Variants in PCDHA7 observed in about 807,000 individuals in gnomAD.
The protein encoded by PCDHA7 is protocadherin alpha-7.
In PCDHA7, 37 loss-of-function variants were observed where a neutral mutation model predicts 57.2. The observed-to-expected ratio is 0.65, with a 90% CI of 0.50 to 0.85. The LOEUF (loss-of-function observed/expected upper bound fraction) is 0.85, where lower values mean the gene tolerates loss of function less well. Ranked by LOEUF, PCDHA7 falls within the 40% of genes least tolerant of loss-of-function variation. The probability of loss-of-function intolerance (pLI) is 0.00; values close to 1 mark genes in which losing one functional copy is unlikely to be tolerated. For synonymous variants in PCDHA7, 553 were observed against 558.8 expected (o/e 0.99, Z 0.15); for missense variants, 1,188 against 1,241.8 (o/e 0.96, Z 0.65).
chr5:141,000,421 A>ATATTTTT (rs1265241806), intron 3 of PCDHA7, among the ~76,000 whole-genome samples: 1 of 27,968 alleles, frequency 3.6e-5, no homozygotes, highest in Non-Finnish European at 5.7e-5. Context: ...ATATATATAT[A>ATATTTTT]TTTTTTTTTT....
intron 1 of PCDHA7, among the ~76,000 whole-genome samples, chr5:140,914,821 A>G (rs1046692794): frequency 6.6e-6 from 1 of 152,212 alleles, no homozygotes; most frequent in Non-Finnish European, 1.5e-5. Flanking sequence ...AACAGACTGC[A>G]TAAACAAAAA....
chr5:140,913,552 T>A (rs1474729453), intron 1 of PCDHA7, among the ~76,000 whole-genome samples: 1 of 152,166 alleles, frequency 6.6e-6, no homozygotes, highest in African/African-American at 2.4e-5. Context: ...GTTTTGTTGA[T>A]CTCTTGTATT....
intron 1 of PCDHA7, chr5:140,867,897 T>C (rs1402943903): frequency 6.6e-6 from 1 of 152,136 alleles, no homozygotes; most frequent in East Asian, 1.9e-4. Flanking sequence ...ATCAGGTACT[T>C]ACAGAAGGTA....
At chr5:140,877,498 C>G in intron 1 of PCDHA7, 1 of 1,613,844 alleles carries the variant, frequency 6.2e-7, no homozygotes, top group Non-Finnish European at 8.5e-7. Context: ...CGGCCAGGCC[C>G]CAAAGACGTC....
intron 1 of PCDHA7, chr5:140,871,048 C>G (rs1472650820): frequency 6.2e-7 from 1 of 1,613,230 alleles, no homozygotes; most frequent in Non-Finnish European, 8.5e-7. Flanking sequence ...ACTTCTAGTA[C>G]TGGTGAAGGA....
intron 1 of PCDHA7, chr5:140,869,754 G>A (rs781808579): frequency 1.2e-6 from 2 of 1,613,182 alleles, no homozygotes; most frequent in Admixed American, 1.7e-5. Context: ...CTACAGACGG[G>A]GGAAAACCAG....
intron 1 of PCDHA7, chr5:140,871,303 G>T: frequency 6.2e-7 from 1 of 1,613,972 alleles, no homozygotes; most frequent in Non-Finnish European, 8.5e-7. Flanking sequence ...GTGCGCGCCG[G>T]GGAAGCCCAC....
intron 1 of PCDHA7, among the ~76,000 whole-genome samples, chr5:140,945,559 A>T (rs1365534966): frequency 6.6e-6 from 1 of 152,096 alleles, no homozygotes; most frequent in Non-Finnish European, 1.5e-5. Flanking sequence ...GAAGCTGAAG[A>T]CATCATACTA....
At chr5:140,982,359 C>T in intron 2 of PCDHA7, 116 bp from the exon 3 acceptor site, 1 of 1,523,712 alleles carries the variant, frequency 6.6e-7, no homozygotes. Context: ...CAAGCATGAG[C>T]AGAATGTGTT....
rs782647258 is a variant in PCDHA7 at position 140,869,948 on chromosome 5, T to A, written c.2355+33210T>A. The A allele has an allele frequency of 3.7e-6, 6 of 1,612,586 alleles. No individual in the cohort carries two copies. The South Asian group carries it at 5.5e-5, about 15-fold the overall frequency. ...AATGGAGAGGTAACATACTCCTTAA[T>A]GTCAATTAAGCCCAATGGAAGACAC... On this transcript the variant is annotated intron_variant, in intron 1 of 3. Coordinates refer to ENST00000525929, the MANE Select transcript of PCDHA7 (RefSeq NM_018910.3).
chr5:140,904,911 G>A (rs2153487307), intron 1 of PCDHA7, among the ~76,000 whole-genome samples: 1 of 152,172 alleles, frequency 6.6e-6, no homozygotes, highest in African/African-American at 2.4e-5. Flanking sequence ...TTACTGATTT[G>A]TTTGACTTCC....
chr5:140,944,099 C>G (rs1585153302), intron 1 of PCDHA7, among the ~76,000 whole-genome samples: 1 of 152,264 alleles, frequency 6.6e-6, no homozygotes, highest in East Asian at 1.9e-4. Context: ...AAGTTTATAT[C>G]TCATGGGAAA....
intron 1 of PCDHA7, chr5:140,843,780 GT>G: frequency 7.0e-7 from 1 of 1,429,410 alleles, no homozygotes; most frequent in Non-Finnish European, 9.6e-7. Context: ...CTTTAAAAGT[GT>G]TTCAGATTTA....
chr5:140,856,078 C>G, intron 1 of PCDHA7: 18 of 1,594,016 alleles, frequency 1.1e-5, no homozygotes, highest in Non-Finnish European at 1.5e-5. Context: ...GCCTGGGGGT[C>G]CAGTGTCTGC....
At chr5:140,871,131 G>A (rs781968741) in intron 1 of PCDHA7, 2 of 1,613,386 alleles carry the variant, frequency 1.2e-6, no homozygotes, top group South Asian at 2.2e-5. Flanking sequence ...AGGCGCCAAA[G>A]GCCTCTTCCC....
At chr5:140,927,167 C>G in intron 1 of PCDHA7, 3 of 1,614,164 alleles carry the variant, frequency 1.9e-6, no homozygotes, top group Non-Finnish European at 2.5e-6. Flanking sequence ...GCCAAAGCTG[C>G]CTGCGTCTTG....
Position 140,856,266 on chromosome 5 carries a change from T to C in PCDHA7, c.2355+19528T>C, listed in dbSNP as rs1581394564. On this transcript the variant is annotated intron_variant, in intron 1 of 3. Coordinates refer to ENST00000525929, the MANE Select transcript of PCDHA7 (RefSeq NM_018910.3). ...GTGGCGTCCAAAAGACACGGGGACC[T>C]TCTGGAGGTAAATCTGCAGAATGGC... 7 of 1,598,200 alleles carry C rather than the reference T, an allele frequency of 4.4e-6. No homozygotes were observed. The East Asian group carries it at 1.6e-4, about 36-fold the overall frequency.
At chr5:140,865,092 AG>A (rs2153225895) in intron 1 of PCDHA7, 1 of 152,364 alleles carries the variant, frequency 6.6e-6, no homozygotes, top group East Asian at 1.9e-4. Context: ...ATATTAATAA[AG>A]GCACTTCCAC....
chr5:140,927,131 C>T (rs782433395), intron 1 of PCDHA7: 1 of 1,614,078 alleles, frequency 6.2e-7, no homozygotes, highest in Non-Finnish European at 8.5e-7. Context: ...GTCAGAGAGC[C>T]GGCGGACCGC....
Sources: gnomAD v4.1 joint callset for allele counts (sites outside exome capture counted in the v4.1 genomes callset) on GRCh38, gnomAD v4.1.1 for gene constraint, MANE v1.5 for transcripts, NCBI Gene and HGNC (gene_info 2026-07-23, HGNC 2026-07-21) for gene names.